Variants in ATG9B observed in about 807,000 individuals in gnomAD.
The protein encoded by ATG9B is autophagy-related protein 9B.
A neutral mutation model predicts 92.9 loss-of-function variants in ATG9B; 92 were observed. The ratio of observed to expected loss-of-function variants is 0.99; its 90% confidence interval spans 0.84 to 1.18. ATG9B has a LOEUF of 1.18. ATG9B is among the 50% of genes most tolerant of loss of function. ATG9B has a pLI of 0.00. For missense variants in ATG9B, 1,344 were observed against 1,235.0 expected, an observed-to-expected ratio of 1.09 and a Z score of -1.32; for synonymous variants, 599 against 551.4, an observed-to-expected ratio of 1.09 and a Z score of -1.21.
At position 151,018,736 on chromosome 7, in the gene ATG9B, G is replaced by C; in HGVS notation, c.1602C>G (p.Phe534Leu). The change falls in exon 6 of 14, where the codon TTC (phenylalanine) becomes TTG (leucine). Residue 534 changes from phenylalanine (F) to leucine (L), a missense_variant. Coordinates refer to ENST00000639579, the MANE Select transcript of ATG9B (RefSeq NM_001317056.2). This position sits in a 1 kb window ranked among gnomAD's most constrained non-coding sequence, Gnocchi z 4.7. ...GCAGCGCGGCGAAGAGTGCACCCGCGAAGAAAACGAGCTGGCGGGCCAGCA... is the reference window on the plus strand; with the variant it reads ...GCAGCGCGGCGAAGAGTGCACCCGCCAAGAAAACGAGCTGGCGGGCCAGCA... ...RTLLARQLVF[F>L]AGALFAALLV... 6.3e-7 allele frequency: 1 copy of C among 1,576,506 alleles called. No individual in the cohort carries two copies. The highest frequency in any genetic ancestry group is 8.6e-7 in the Non-Finnish European group (1 of 1,166,300).
Position 151,024,215 on chromosome 7 carries a change from G to A in ATG9B, c.209C>T (p.Thr70Ile), listed in dbSNP as rs964217168. ...RSSPSSFSPPTAGPPCSVLQG... is the reference protein window; with the variant it reads ...RSSPSSFSPPIAGPPCSVLQG... ...TAGCACTGAGCAAGGGGGCCCTGCG[G>A]TGGGAGGGGAAAATGAGGAGGGGGA... Residue 70 changes from threonine to isoleucine, a missense_variant, in exon 1 of 14, where the codon ACC becomes ATC. By Grantham distance (89) the Thr-to-Ile change is moderately conservative. Transcript: ENST00000639579. The A allele has an allele frequency of 3.4e-5, 50 of 1,488,784 alleles. No individual in the cohort carries two copies. The highest frequency in any genetic ancestry group is 1.9e-4 in the Middle Eastern group (1 of 5,230). The allele number at this position is 1,488,784 out of a possible 1,614,324, so 92.2% of individuals were successfully genotyped here.
At chr7:151,017,302 A>C (rs1430450190) in intron 8 of ATG9B, 30 bp from the exon 9 acceptor site, 1 of 1,548,782 alleles carries the variant, frequency 6.5e-7, no homozygotes, top group Non-Finnish European at 8.8e-7. Context: ...TTCAGGTGCT[A>C]AGAACACTGA....
intron 9 of ATG9B, 37 bp from the exon 10 acceptor site, chr7:151,016,858 T>C (rs1220231567): frequency 1.3e-6 from 2 of 1,576,098 alleles, no homozygotes; most frequent in African/African-American, 2.7e-5. Flanking sequence ...AAAGAGGGAG[T>C]CAGAAGAGAG....
At position 151,016,227 on chromosome 7, in the gene ATG9B, C is replaced by T; in HGVS notation, c.2529G>A (p.Gln843=). Residue 843 remains glutamine (Q), a synonymous_variant, in exon 12 of 14, where the codon CAG becomes CAA. Coordinates refer to ENST00000639579, the MANE Select transcript of ATG9B (RefSeq NM_001317056.2). ...LHVIYLHQLH[Q]QQQQQEPWGE... is the part of the protein sequence containing the mutation. The stretch of plus-strand genomic sequence containing the variant: ...CCCACGGCTCCTGCTGCTGCTGCTG[C>T]TGGTGAAGCTGCATGGAAAGGAGGA... 6.7e-7 allele frequency: 1 copy of T among 1,486,412 alleles called. No individual in the cohort carries two copies. The allele number at this position is 1,486,412 out of a possible 1,614,324, so 92.1% of individuals were successfully genotyped here.
Position 151,019,044 on chromosome 7 carries a change from C to A in ATG9B, c.1294G>T (p.Ala432Ser). ...AGCACTGTGCGCCCCCAGCGCGCTG[C>A]TAGGGCGCCCCGCTGGTCGCTGCGC... is the stretch of plus-strand genomic sequence containing the variant. ...YKRSDQRGAL[A>S]ARWGRTVLLL... The change falls in exon 6 of 14, where the codon GCA (alanine) becomes TCA (serine). Residue 432 changes from alanine to serine, a missense_variant. Transcript: ENST00000639579. The A allele has an allele frequency of 6.5e-7, 1 of 1,540,576 alleles. No individual in the cohort carries two copies. The highest frequency in any genetic ancestry group is 8.7e-7 in the Non-Finnish European group (1 of 1,148,254).
In ATG9B at chr7:151,023,680, AG is replaced by A. The variant is rs1345758974; in HGVS notation, c.594+6del. Reference sequence around the variant, plus strand: ...TGCCACCTCTGCAGGCCTAGCGCAAAGGATATCTTGGTGAAGAAACTGTCCA... The same window carrying A: ...TGCCACCTCTGCAGGCCTAGCGCAAAGATATCTTGGTGAAGAAACTGTCCA... On this transcript the variant is annotated splice_donor_region_variant and intron_variant, in intron 2 of 13. Transcript: ENST00000639579. The A allele has an allele frequency of 5.0e-6, 8 of 1,614,034 alleles. No homozygotes were observed. The highest frequency in any genetic ancestry group is 1.3e-5 in the African/African-American group (1 of 75,038).
intron 8 of ATG9B, 50 bp from the exon 9 acceptor site, chr7:151,017,322 G>GA: frequency 6.6e-7 from 1 of 1,504,672 alleles, no homozygotes. Context: ...AGCCTTATGG[G>GA]AACAGGTGGG....
chr7:151,021,091 C>T, intron 5 of ATG9B, 97 bp downstream of exon 5: 1 of 1,423,884 alleles, frequency 7.0e-7, no homozygotes, highest in Non-Finnish European at 9.8e-7. Flanking sequence ...TGCCCTCTTT[C>T]CAGTTGGCCC....
At chr7:151,016,912 G>A (rs1473381691) in intron 9 of ATG9B, 91 bp from the exon 10 acceptor site, 3 of 1,528,950 alleles carry the variant, frequency 2.0e-6, no homozygotes, top group Non-Finnish European at 1.8e-6. Flanking sequence ...AAAGAAGGCA[G>A]GAGAGCAGGC....
Position 151,018,858 on chromosome 7 carries a change from C to T in ATG9B, c.1480G>A (p.Glu494Lys). The T allele has an allele frequency of 3.8e-6, 5 of 1,329,298 alleles. No individual in the cohort carries two copies. The highest frequency in any genetic ancestry group is 4.8e-6 in the Non-Finnish European group (5 of 1,044,600). 82.3% of individuals were successfully genotyped at this position (1,329,298 alleles called of 1,614,324 possible). Residue 494 changes from glutamate (E) to lysine (K), a missense_variant, in exon 6 of 14, where the codon GAG becomes AAG. Glu to Lys is a moderately conservative substitution (Grantham distance 56, BLOSUM62 1). Transcript: ENST00000639579. This position sits in a 1 kb window ranked among gnomAD's most constrained non-coding sequence, Gnocchi z 4.7. ...LARLQLRHFN[E>K]LPHELRARLA... ...CGCGCGCGCAGCTCGTGCGGCAGCTCGTTGAAGTGGCGCAGCTGCAAGCGC... is the reference window on the plus strand; with the variant it reads ...CGCGCGCGCAGCTCGTGCGGCAGCTTGTTGAAGTGGCGCAGCTGCAAGCGC...
downstream of ATG9B, chr7:151,012,453 G>C (rs754919626): frequency 1.2e-6 from 2 of 1,611,934 alleles, no homozygotes; most frequent in Non-Finnish European, 1.7e-6. Context: ...AGGAGCGGCT[G>C]CATGACATTG....
intron 4 of ATG9B, among the ~76,000 whole-genome samples, chr7:151,021,850 C>T (rs1795764528): frequency 6.7e-6 from 1 of 149,832 alleles, no homozygotes; most frequent in Non-Finnish European, 1.5e-5. Flanking sequence ...AGGGTTTCAC[C>T]ATGTTGGCCA....
In ATG9B at chr7:151,023,844, A is replaced by C. The variant is rs548090079; in HGVS notation, c.550+30T>G. Reference sequence around the variant, plus strand: ...GTACTGGAGCTCCCAGGCACCACTAACCCTCTCCCACCCACACCCACACAC... The same window carrying C: ...GTACTGGAGCTCCCAGGCACCACTACCCCTCTCCCACCCACACCCACACAC... On this transcript the variant is annotated intron_variant, in intron 1 of 13. Transcript: ENST00000639579. 854 of 1,609,426 alleles carry C rather than the reference A, an allele frequency of 5.3e-4. 11 individuals are homozygous for C. The South Asian group carries it at 8.9e-3, about 17-fold the overall frequency.
chr7:151,021,221 C>T lies in ATG9B; in HGVS notation c.930G>A (p.Gln310=), dbSNP rs757450867. The T allele has an allele frequency of 2.5e-6, 4 of 1,613,428 alleles. No individual in the cohort carries two copies. The African/African-American group carries it at 4.0e-5, about 16-fold the overall frequency. ...TGTGCAGGGCCTCCCTGTAAAACACCTGGATGTCCCAGTAGCTGAAGAGGT... is the reference window on the plus strand; with the variant it reads ...TGTGCAGGGCCTCCCTGTAAAACACTTGGATGTCCCAGTAGCTGAAGAGGT... ...VCNLFSYWDI[Q]VFYREALHIP... Residue 310 remains glutamine (Q), a synonymous_variant, in exon 5 of 14, where the codon CAG becomes CAA. Transcript: ENST00000639579.
Position 151,018,925 on chromosome 7 carries a change from GC to G in ATG9B, c.1412del (p.Arg471ProfsTer83). 1 of 1,523,370 alleles carries G rather than the reference GC, an allele frequency of 6.6e-7. No individual in the cohort carries two copies. The highest frequency in any genetic ancestry group is 8.7e-7 in the Non-Finnish European group (1 of 1,144,368). 94.4% of individuals were successfully genotyped at this position (1,523,370 alleles called of 1,614,324 possible). A position where few individuals can be genotyped will look rare whatever the true frequency, so the allele number is the denominator to read the frequency against. ...CGCGCGCCCCCAGCGCGCCAGGCTC[GC>G]GCCGCAGCAGCTCCACGTGGCTATA... ...VFYSHVELLR[R>X]EPGALGARGW... On this transcript the variant is annotated frameshift_variant, in exon 6 of 14. Transcript: ENST00000639579. LOFTEE classifies it high-confidence loss of function. This position sits in a 1 kb window ranked among gnomAD's most constrained non-coding sequence, Gnocchi z 4.7.
rs1423626267 is a variant in ATG9B, at chr7:151,024,105, G to T, written c.319C>A (p.Pro107Thr). ...PPTQAQPAMT[P>T]ASASPSWGSH... ...CCCCAGGAGGGAGATGCAGAGGCAG[G>T]TGTCATTGCAGGTTGAGCCTGTGTT... The change falls in exon 1 of 14, where the codon CCT (proline) becomes ACT (threonine). Residue 107 changes from proline to threonine, a missense_variant. Coordinates refer to ENST00000639579, the MANE Select transcript of ATG9B (RefSeq NM_001317056.2). The T allele has an allele frequency of 1.2e-6, 2 of 1,606,088 alleles. No individual in the cohort carries two copies. Among genetic ancestry groups the T allele is most frequent in the Admixed American group, 3.4e-5 (2 of 59,318 alleles).
chr7:151,014,369 G>C (rs1218929608), downstream of ATG9B: 1 of 593,190 alleles, frequency 1.7e-6, no homozygotes, highest in Non-Finnish European at 2.8e-6. Flanking sequence ...CTCGGGCCTG[G>C]GTCCGCCTTA....
At position 151,018,750 on chromosome 7, in the gene ATG9B, G is replaced by A; in HGVS notation, c.1588C>T (p.Gln530Ter). Residue 530 changes from glutamine (Q) to a stop codon, truncating the protein, a stop_gained, in exon 6 of 14, where the codon CAG becomes TAG. Transcript: ENST00000639579. LOFTEE classifies it high-confidence loss of function. The surrounding 1 kb of genome is among the most constrained non-coding windows in gnomAD (Gnocchi z 4.7). ...AGTGCACCCGCGAAGAAAACGAGCT[G>A]GCGGGCCAGCAGCGTGCGCAGGGGC... Reference protein sequence around the residue: ...PAPLRTLLARQLVFFAGALFA... With the variant: ...PAPLRTLLAR The A allele has an allele frequency of 1.3e-6, 2 of 1,566,978 alleles. No homozygotes were observed. The highest frequency in any genetic ancestry group is 1.7e-6 in the Non-Finnish European group (2 of 1,162,016).
Position 151,019,290 on chromosome 7 carries a change from G to T in ATG9B, c.1048C>A (p.Arg350=), listed in dbSNP as rs779962018. Residue 350 remains arginine (R), a synonymous_variant, in exon 6 of 14, where the codon CGG becomes AGG. Coordinates refer to ENST00000639579, the MANE Select transcript of ATG9B (RefSeq NM_001317056.2). ...TGGATGTCCAGCTCCGTCAGGGGCCGCGGCTGCACGCACAGGCCCCCGCTC... is the reference window on the plus strand; with the variant it reads ...TGGATGTCCAGCTCCGTCAGGGGCCTCGGCTGCACGCACAGGCCCCCGCTC... The part of the protein sequence containing the change: ...QRSGGLCVQP[R]PLTELDIHHR... 99 of 1,587,406 alleles carry T rather than the reference G, an allele frequency of 6.2e-5. No homozygotes were observed. The highest frequency in any genetic ancestry group is 5.0e-4 in the Middle Eastern group (3 of 6,006).
Sources: allele counts gnomAD v4.1 joint callset (sites outside exome capture counted in the v4.1 genomes callset), GRCh38; gene constraint gnomAD v4.1.1; non-coding constraint Gnocchi (gnomAD v3.1); transcripts MANE v1.5; gene names NCBI Gene and HGNC (gene_info 2026-07-23, HGNC 2026-07-21).